The following PDE1C variants were observed in gnomAD, a reference collection of about 807,000 sequenced individuals.
PDE1C encodes the protein dual specificity calcium/calmodulin-dependent 3',5'-cyclic nucleotide phosphodiesterase 1C.
A neutral mutation model predicts 93.1 loss-of-function variants in PDE1C; 62 were observed. The ratio of observed to expected loss-of-function variants is 0.67; its 90% CI spans 0.54 to 0.82. PDE1C has a LOEUF of 0.82. Ranked by LOEUF, PDE1C falls within the 40% of genes least tolerant of loss-of-function variation. PDE1C has a pLI of 0.00. For missense variants in PDE1C, 742 were observed against 884.6 expected (o/e 0.84, Z 2.04); for synonymous variants, 325 against 310.1 (o/e 1.05, Z -0.50).
chr7:32,396,422 G>A (rs1784840482), intron 1 of PDE1C, among the ~76,000 whole-genome samples: 1 of 151,876 alleles, frequency 6.6e-6, no homozygotes, highest in South Asian at 2.1e-4. Flanking sequence ...AGGTGGCAGT[G>A]AGCAGAGATC....
intron 2 of PDE1C, among the ~76,000 whole-genome samples, chr7:31,890,163 C>T (rs1798451586): frequency 1.3e-5 from 2 of 152,182 alleles, no homozygotes; most frequent in South Asian, 4.1e-4. Flanking sequence ...CCCAGAGCAT[C>T]ATTCAGAATC....
At chr7:32,201,684 G>C (rs567368931) in intron 2 of PDE1C, among the ~76,000 whole-genome samples, 1 of 152,310 alleles carries the variant, frequency 6.6e-6, no homozygotes, top group Non-Finnish European at 1.5e-5. Context: ...AGGAGGATGA[G>C]GATAAAAGGA....
intron 2 of PDE1C, among the ~76,000 whole-genome samples, chr7:31,894,390 C>T (rs1799013827): frequency 6.6e-6 from 1 of 152,190 alleles, no homozygotes; most frequent in African/African-American, 2.4e-5. Flanking sequence ...CCCATGAAGT[C>T]TGAAAAATGG....
At chr7:32,373,064 G>T (rs1417693732) in intron 1 of PDE1C, among the ~76,000 whole-genome samples, 1 of 152,176 alleles carries the variant, frequency 6.6e-6, no homozygotes, top group Non-Finnish European at 1.5e-5. Flanking sequence ...GTTTCTCAAA[G>T]ATTAATCATG....
the PDE1C span, among the ~76,000 whole-genome samples, chr7:31,744,979 CT>C: frequency 7.9e-3 from 1,177 of 148,712 alleles, 10 homozygotes; most frequent in African/African-American, 0.025. Context: ...AGCAAAGTAG[CT>C]TTTTTTTTTG....
At chr7:32,108,073 T>C (rs1372647805) in intron 3 of PDE1C, among the ~76,000 whole-genome samples, 1 of 150,812 alleles carries the variant, frequency 6.6e-6, no homozygotes, top group Non-Finnish European at 1.5e-5. Flanking sequence ...ACAAAAAAGA[T>C]GGAAGATAAA....
intron 2 of PDE1C, among the ~76,000 whole-genome samples, chr7:32,045,395 C>T (rs559797975): frequency 6.6e-6 from 1 of 152,218 alleles, no homozygotes; most frequent in South Asian, 2.1e-4. Flanking sequence ...TGGACACATT[C>T]TCATGGCTGA....
At chr7:32,047,030 G>GGGGT (rs1554484045) in intron 2 of PDE1C, among the ~76,000 whole-genome samples, 1 of 70,400 alleles carries the variant, frequency 1.4e-5, no homozygotes, top group Non-Finnish European at 3.0e-5. Context: ...TACTGAAATA[G>GGGGT]GGGTGTGTGT....
In PDE1C at chr7:31,924,574, G is replaced by A. The variant is rs542999864; in HGVS notation, c.129-43714C>T. Among the ~76,000 whole-genome samples the A allele has an allele frequency of 2.1e-4, 19 of 90,194 alleles. 1 individual carries two copies. Among genetic ancestry groups the A allele is most frequent in the Admixed American group, 7.3e-4 (7 of 9,622 alleles). The allele number at this position is 90,194 out of a possible 152,430, so 59.2% of individuals were successfully genotyped here. A position where few individuals can be genotyped will look rare whatever the true frequency, so the allele number is the denominator to read the frequency against. On this transcript the variant is annotated intron_variant, in intron 2 of 17. Transcript: ENST00000396191. Reference sequence around the variant, plus strand: ...ATCAACCAATCAATGAAAGCTACAGGCACCTCGAAAGAGCCTTTTCTTTCC... The same window carrying A: ...ATCAACCAATCAATGAAAGCTACAGACACCTCGAAAGAGCCTTTTCTTTCC...
chr7:32,273,001 T>C (rs914472796), intron 1 of PDE1C, among the ~76,000 whole-genome samples: 5 of 152,200 alleles, frequency 3.3e-5, no homozygotes, highest in African/African-American at 1.2e-4. Context: ...ATACGGGGTA[T>C]GGAATAATTA....
intron 2 of PDE1C, among the ~76,000 whole-genome samples, chr7:32,019,773 G>A (rs371377944): frequency 3.7e-4 from 57 of 152,190 alleles, no homozygotes; most frequent in South Asian, 2.1e-3. Flanking sequence ...GGTGACTCCC[G>A]GGTTTGTGGC....
In PDE1C at chr7:31,879,113, C is replaced by A. The variant is rs200513154; in HGVS notation, c.308G>T (p.Arg103Leu). Residue 103 changes from arginine to leucine, a missense_variant, in exon 4 of 18, where the codon CGA (arginine) becomes CTA (leucine). Arg to Leu is a moderately radical substitution (Grantham distance 102). Transcript: ENST00000396191. Reference sequence around the variant, plus strand: ...CGTGAAGGTGGAGGCCAGCCAGTCTCGGACCTCAGAAGGCACAGCATCTGA... The same window carrying A: ...CGTGAAGGTGGAGGCCAGCCAGTCTAGGACCTCAGAAGGCACAGCATCTGA... ...IQSDAVPSEV[R>L]DWLASTFTRQ... 3 of 1,614,020 alleles carry A rather than the reference C, an allele frequency of 1.9e-6. No individual in the cohort carries two copies. Among genetic ancestry groups the A allele is most frequent in the Non-Finnish European group, 2.5e-6 (3 of 1,180,008 alleles).
At chr7:31,999,796 A>G (rs1013596737) in intron 2 of PDE1C, among the ~76,000 whole-genome samples, 2 of 152,194 alleles carry the variant, frequency 1.3e-5, no homozygotes, top group African/African-American at 4.8e-5. Flanking sequence ...GAACCCTCAC[A>G]CACAGAGCAG....
chr7:32,146,689 G>A (rs976619032), intron 3 of PDE1C, among the ~76,000 whole-genome samples: 12 of 152,156 alleles, frequency 7.9e-5, no homozygotes, highest in African/African-American at 2.9e-4. Flanking sequence ...ATCTTAGGGA[G>A]GAATTATTGT....
chr7:31,821,862 CAATATA>C (rs931582949), intron 14 of PDE1C, among the ~76,000 whole-genome samples: 2 of 152,086 alleles, frequency 1.3e-5, no homozygotes, highest in African/African-American at 4.8e-5. Context: ...AGCCCCAACC[CAATATA>C]TGGGAACCAA....
At chr7:31,795,144 T>C (rs1252048338) in intron 16 of PDE1C, among the ~76,000 whole-genome samples, 1 of 151,890 alleles carries the variant, frequency 6.6e-6, no homozygotes, top group East Asian at 1.9e-4. Context: ...ATACTGCATT[T>C]AATAGCTTTT....
At chr7:31,827,638 A>T (rs1467519877) in intron 12 of PDE1C, among the ~76,000 whole-genome samples, 1 of 152,128 alleles carries the variant, frequency 6.6e-6, no homozygotes, top group Non-Finnish European at 1.5e-5. Context: ...AAAATGCCTA[A>T]TTCTTATTGA....
the PDE1C span, among the ~76,000 whole-genome samples, chr7:31,629,016 C>T: frequency 6.6e-6 from 1 of 151,926 alleles, no homozygotes; most frequent in Non-Finnish European, 1.5e-5. Flanking sequence ...ATTAAAGTCT[C>T]CAAAAAAATT....
At chr7:32,317,338 C>T (rs1485192642) in intron 1 of PDE1C, among the ~76,000 whole-genome samples, 5 of 152,076 alleles carry the variant, frequency 3.3e-5, no homozygotes, top group Admixed American at 2.0e-4. Context: ...ACAGCAACTC[C>T]CATTACACAC....
Sources: gnomAD v4.1 joint callset for allele counts (sites outside exome capture counted in the v4.1 genomes callset) on GRCh38, gnomAD v4.1.1 for gene constraint, MANE v1.5 for transcripts, NCBI Gene and HGNC (gene_info 2026-07-23, HGNC 2026-07-21) for gene names.